ADAMTSL3: variants seen among roughly 807,000 people sequenced by gnomAD.
ADAMTSL3 encodes the protein ADAMTS-like protein 3.
A neutral mutation model predicts 201.7 loss-of-function variants in ADAMTSL3; 128 were observed. That is an observed-to-expected ratio of 0.63 (90% CI 0.55 to 0.73). The LOEUF is 0.73. Among genes scored for constraint, ADAMTSL3 ranks in the 30% least tolerant of loss-of-function variants. The pLI is 0.00. For synonymous variants in ADAMTSL3, 738 were observed against 748.4 expected, an observed-to-expected ratio of 0.99 and a Z score of 0.23; for missense variants, 1,990 against 2,119.6, an observed-to-expected ratio of 0.94 and a Z score of 1.20.
rs1220894743 is a variant in ADAMTSL3, at chr15:83,662,583, GAAAAA to G, written c.69+6757_69+6761del. ...CTTAAAGTATAATAAAAAAAAAAAA[GAAAAA>G]AAAGAAAGAAAGAAAAAAAAAAAGT... On this transcript the variant is annotated intron_variant, in intron 2 of 29. Transcript: ENST00000286744. 4.6e-3 allele frequency among the ~76,000 whole-genome samples: 605 copies of G among 130,112 alleles called. 8 individuals carry two copies. Among genetic ancestry groups the G allele is most frequent in the Non-Finnish European group, 5.4e-3 (331 of 61,282 alleles). 85.4% of individuals were successfully genotyped at this position (130,112 alleles called of 152,430 possible). A position where few individuals can be genotyped will look rare whatever the true frequency, so the allele number is the denominator to read the frequency against.
chr15:83,815,560 T>C (rs757671063), intron 5 of ADAMTSL3, among the ~76,000 whole-genome samples: 4 of 152,270 alleles, frequency 2.6e-5, no homozygotes, highest in Non-Finnish European at 5.9e-5. Flanking sequence ...GCTCCCTAAA[T>C]GTCAAATAGA....
At chr15:83,910,634 C>A (rs1039114114) in intron 15 of ADAMTSL3, among the ~76,000 whole-genome samples, 2 of 109,462 alleles carry the variant, frequency 1.8e-5, no homozygotes, top group Non-Finnish European at 3.4e-5. Flanking sequence ...TTTAGGTGAA[C>A]CTTTTTTTTT....
intron 4 of ADAMTSL3, among the ~76,000 whole-genome samples, chr15:83,781,601 A>G (rs918186020): frequency 1.3e-5 from 2 of 152,254 alleles, no homozygotes; most frequent in African/African-American, 4.8e-5. Context: ...AAATTGAAAA[A>G]TGACATCTAA....
At chr15:83,950,960 C>A (rs1228144123) in intron 19 of ADAMTSL3, among the ~76,000 whole-genome samples, 2 of 149,542 alleles carry the variant, frequency 1.3e-5, no homozygotes, top group African/African-American at 4.9e-5. Flanking sequence ...GATAATTTGA[C>A]TTCTTCGTTT....
intron 19 of ADAMTSL3, among the ~76,000 whole-genome samples, chr15:83,967,981 T>C (rs2067120854): frequency 6.6e-6 from 1 of 152,190 alleles, no homozygotes; most frequent in African/African-American, 2.4e-5. Flanking sequence ...GCTATCCATA[T>C]GCGGAAAACT....
At chr15:83,988,986 A>G (rs1471690355) in intron 22 of ADAMTSL3, among the ~76,000 whole-genome samples, 168 bp downstream of exon 22, 1 of 151,024 alleles carries the variant, frequency 6.6e-6, no homozygotes, top group Non-Finnish European at 1.5e-5. Flanking sequence ...GGTTCACGCC[A>G]TTCTCCAGCC....
intron 4 of ADAMTSL3, among the ~76,000 whole-genome samples, chr15:83,787,225 T>C (rs921916189): frequency 4.6e-5 from 7 of 152,240 alleles, no homozygotes; most frequent in African/African-American, 1.7e-4. Flanking sequence ...TGAGAGTGTT[T>C]ATTCCGCTGT....
At chr15:83,846,421 T>G (rs1040757101) in intron 7 of ADAMTSL3, among the ~76,000 whole-genome samples, 50 of 152,220 alleles carry the variant, frequency 3.3e-4, no homozygotes, top group African/African-American at 1.1e-3. Flanking sequence ...CCTCCCAAAG[T>G]GTCTTCCAAG....
intron 4 of ADAMTSL3, among the ~76,000 whole-genome samples, chr15:83,799,289 C>T (rs933955804): frequency 1.3e-5 from 2 of 152,108 alleles, no homozygotes; most frequent in Non-Finnish European, 2.9e-5. Context: ...TGATTTAGGG[C>T]ATTCATGATT....
At chr15:83,958,523 A>G (rs556019804) in intron 19 of ADAMTSL3, among the ~76,000 whole-genome samples, 17 of 152,314 alleles carry the variant, frequency 1.1e-4, no homozygotes, top group Admixed American at 8.5e-4. Context: ...GAAGATAACT[A>G]TCCTGAAATA....
chr15:83,694,489 A>G (rs1236398002), intron 2 of ADAMTSL3: 2 of 152,220 alleles, frequency 1.3e-5, no homozygotes, highest in Non-Finnish European at 2.9e-5. Flanking sequence ...ACTTTAAAGT[A>G]GACTTATTTC....
intron 3 of ADAMTSL3, among the ~76,000 whole-genome samples, chr15:83,766,075 T>TG (rs11448677): frequency 0.17 from 25,612 of 152,098 alleles, 2,456 homozygotes; most frequent in Middle Eastern, 0.32. Flanking sequence ...CATGAGGTGC[T>TG]TCCAGCTTCC....
intron 6 of ADAMTSL3, among the ~76,000 whole-genome samples, chr15:83,827,696 C>T (rs1052846301): frequency 2.0e-5 from 3 of 152,076 alleles, no homozygotes; most frequent in African/African-American, 7.2e-5. Context: ...GTATAAGGTG[C>T]AAGGAAGGGA....
At chr15:84,022,633 A>G (rs990327446) in intron 26 of ADAMTSL3, among the ~76,000 whole-genome samples, 8 of 152,338 alleles carry the variant, frequency 5.3e-5, no homozygotes, top group Non-Finnish European at 1.0e-4. Context: ...GGTTGTGACT[A>G]TCTTGTACAT....
intron 3 of ADAMTSL3, among the ~76,000 whole-genome samples, chr15:83,719,174 G>A (rs2562783): frequency 6.6e-6 from 1 of 152,096 alleles, no homozygotes; most frequent in Non-Finnish European, 1.5e-5. Context: ...AATTGAGGCT[G>A]CAGATCTAAC....
chr15:83,695,770 G>A (rs1030205685), intron 2 of ADAMTSL3, among the ~76,000 whole-genome samples: 5 of 152,104 alleles, frequency 3.3e-5, no homozygotes, highest in Non-Finnish European at 7.4e-5. Flanking sequence ...CAAAGTAAAT[G>A]TATTTTATAT....
At chr15:83,703,149 C>T (rs138875238) in intron 2 of ADAMTSL3, among the ~76,000 whole-genome samples, 148 of 152,196 alleles carry the variant, frequency 9.7e-4, no homozygotes, top group African/African-American at 3.5e-3. Context: ...TTGTTTTGGC[C>T]AATTTCTCCC....
At chr15:83,667,042 T>C (rs1402834955) in intron 2 of ADAMTSL3, among the ~76,000 whole-genome samples, 1 of 152,062 alleles carries the variant, frequency 6.6e-6, no homozygotes, top group Admixed American at 6.5e-5. Context: ...TATACTGCCA[T>C]TAAAAAATTT....
chr15:83,996,780 CAAAAAAAAAAA>C (rs35758954), intron 23 of ADAMTSL3, among the ~76,000 whole-genome samples: 11 of 33,852 alleles, frequency 3.2e-4, no homozygotes, highest in African/African-American at 1.2e-3. Context: ...GACTCTGCCT[CAAAAAAAAAAA>C]AAAAAAAAAA....
Sources: allele counts gnomAD v4.1 joint callset (sites outside exome capture counted in the v4.1 genomes callset), GRCh38; gene constraint gnomAD v4.1.1; transcripts MANE v1.5; gene names NCBI Gene and HGNC (gene_info 2026-07-23, HGNC 2026-07-21).